P2RX7: variants seen among roughly 807,000 people sequenced by gnomAD.
P2RX7 encodes the protein purinergic receptor P2X 7, also known as P2X purinoceptor 7.
P2RX7 carries 62 observed loss-of-function variants against 71.6 expected under a neutral mutation model. The observed-to-expected ratio is 0.87, with a 90% confidence interval of 0.71 to 1.07. P2RX7 has a LOEUF of 1.07. P2RX7 is among the 50% of genes least tolerant of loss of function. The probability of loss-of-function intolerance (pLI) is 0.00; values close to 1 mark genes in which losing one functional copy is unlikely to be tolerated. For synonymous variants in P2RX7, 299 were observed against 283.3 expected, an observed-to-expected ratio of 1.06 and a Z score of -0.56; for missense variants, 686 against 748.5, an observed-to-expected ratio of 0.92 and a Z score of 0.97.
At chr12:121,155,988 T>C (rs1033789784) in intron 2 of P2RX7, 91 bp from the exon 3 acceptor site, 1 of 1,133,518 alleles carries the variant, frequency 8.8e-7, no homozygotes, top group Non-Finnish European at 1.3e-6. Context: ...CTTAGAAAAG[T>C]GGAGAGGTTC....
At chr12:121,142,458 G>C (rs376642345) in intron 1 of P2RX7, among the ~76,000 whole-genome samples, 85 of 152,154 alleles carry the variant, frequency 5.6e-4, no homozygotes, top group African/African-American at 2.0e-3. Flanking sequence ...CTTCTCTCCC[G>C]GGACCAGAAG....
At chr12:121,142,241 CTG>C (rs1472228536) in intron 1 of P2RX7, among the ~76,000 whole-genome samples, 1 of 152,180 alleles carries the variant, frequency 6.6e-6, no homozygotes, top group Non-Finnish European at 1.5e-5. Flanking sequence ...CCTGGAGACT[CTG>C]GGGAAAATTC....
At chr12:121,183,896 C>T (rs112265934) in intron 12 of P2RX7, among the ~76,000 whole-genome samples, 5,733 of 152,164 alleles carry the variant, frequency 0.038, 150 homozygotes, top group South Asian at 0.12. Flanking sequence ...AATCCTGTTT[C>T]TACTAGAAAT....
rs143302792 is a variant in P2RX7, at chr12:121,160,432, A to G, written c.364-470A>G. ...AAAGTGCTGGGATTACAGGCGTGAT[A>G]AGCCACGGCGCCCAGCCCCCAGAAC... On this transcript the variant is annotated intron_variant, in intron 3 of 12. Transcript: ENST00000328963. Among the ~76,000 whole-genome samples, 355 of 152,182 alleles carry G rather than the reference A, an allele frequency of 2.3e-3. 2 individuals carry two copies. Among genetic ancestry groups the G allele is most frequent in the African/African-American group, 8.0e-3 (331 of 41,534 alleles).
In P2RX7 at chr12:121,184,517, A is replaced by G. The variant is rs142602802; in HGVS notation, c.1503A>G (p.Lys501=). ...HRCLEELCCR[K]KPGACITTSE... Reference sequence around the variant, plus strand: ...GCCTGGAGGAGCTGTGCTGCCGGAAAAAGCCGGGGGCCTGCATCACCACCT... The same window carrying G: ...GCCTGGAGGAGCTGTGCTGCCGGAAGAAGCCGGGGGCCTGCATCACCACCT... Residue 501 remains lysine (K), a synonymous_variant, in exon 13 of 13, where the codon AAA becomes AAG. Transcript: ENST00000328963. The G allele has an allele frequency of 3.3e-5, 53 of 1,614,094 alleles. No individual in the cohort carries two copies. The highest frequency in any genetic ancestry group is 4.3e-5 in the Non-Finnish European group (51 of 1,180,044).
chr12:121,176,684 G>C (rs948157606), intron 9 of P2RX7, among the ~76,000 whole-genome samples: 1 of 150,868 alleles, frequency 6.6e-6, no homozygotes, highest in Admixed American at 6.6e-5. Flanking sequence ...CCCAGGAGGC[G>C]GAGCTTGCAG....
intron 1 of P2RX7, among the ~76,000 whole-genome samples, chr12:121,153,436 G>GTAATCCCA (rs1264544763): frequency 3.3e-5 from 5 of 151,756 alleles, no homozygotes; most frequent in Non-Finnish European, 5.9e-5. Flanking sequence ...CCAGCACTTT[G>GTAATCCCA]GGAGGCCAAG....
intron 11 of P2RX7, among the ~76,000 whole-genome samples, chr12:121,179,839 G>T (rs1883815412): frequency 1.3e-5 from 2 of 152,070 alleles, no homozygotes; most frequent in South Asian, 2.1e-4. Context: ...TGGCTGTGTT[G>T]AATTTACAAG....
chr12:121,182,447 G>C (rs1399403855), intron 12 of P2RX7, among the ~76,000 whole-genome samples: 1 of 152,168 alleles, frequency 6.6e-6, no homozygotes, highest in Non-Finnish European at 1.5e-5. Context: ...AACCTAAATA[G>C]AATAGCCTAT....
chr12:121,138,049 G>C (rs568250878), intron 1 of P2RX7, among the ~76,000 whole-genome samples: 1 of 152,364 alleles, frequency 6.6e-6, no homozygotes, highest in African/African-American at 2.4e-5. Flanking sequence ...TTGGAGGTCT[G>C]TGTAGATAGG....
At position 121,175,468 on chromosome 12, in the gene P2RX7, T is replaced by G; in HGVS notation, c.962T>G (p.Val321Gly). 1 of 1,404,688 alleles carries G rather than the reference T, an allele frequency of 7.1e-7. No individual in the cohort carries two copies. Among genetic ancestry groups the G allele is most frequent in the Non-Finnish European group, 1.0e-6 (1 of 989,140 alleles). 87.0% of individuals were successfully genotyped at this position (1,404,688 alleles called of 1,614,324 possible). ...KVFGIRFDILVFGTGGKFDII... is the reference protein window; with the variant it reads ...KVFGIRFDILGFGTGGKFDII... ...TTCGGGATCCGTTTTGACATCCTGG[T>G]TTTTGGCACCGTAAGTCTCGTTTCC... Residue 321 changes from valine (V) to glycine (G), a missense_variant, in exon 9 of 13, where the codon GTT becomes GGT. Val to Gly is a moderately radical substitution (Grantham distance 109, BLOSUM62 -3). Transcript: ENST00000328963.
Position 121,184,489 on chromosome 12 carries a change from G to A in P2RX7, c.1475G>A (p.Arg492Lys), listed in dbSNP as rs200826512. The change falls in exon 13 of 13, where the codon AGG (arginine) becomes AAG (lysine). Residue 492 changes from arginine to lysine, a missense_variant. Coordinates refer to ENST00000328963, the MANE Select transcript of P2RX7 (RefSeq NM_002562.6). ...CLPSQLPESH[R>K]CLEELCCRKK... is the part of the protein sequence containing the mutation. ...CCATCTCAACTCCCTGAGAGCCACA[G>A]GTGCCTGGAGGAGCTGTGCTGCCGG... 3.3e-5 allele frequency: 53 copies of A among 1,614,172 alleles called. No homozygotes were observed. In the East Asian group the frequency reaches 6.2e-4, roughly 19 times the overall value.
At chr12:121,155,420 A>G (rs1878375616) in intron 2 of P2RX7, 1 of 1,282,368 alleles carries the variant, frequency 7.8e-7, no homozygotes, top group Admixed American at 2.3e-5. Flanking sequence ...AAAAGAAGAA[A>G]GGCATCGGTC....
chr12:121,179,563 C>G (rs191629952), intron 11 of P2RX7, among the ~76,000 whole-genome samples: 42 of 152,026 alleles, frequency 2.8e-4, no homozygotes, highest in Admixed American at 2.6e-3. Context: ...CATGATTGTC[C>G]TGTTCCAGCA....
At chr12:121,134,466 A>T (rs1315023763) in intron 1 of P2RX7, among the ~76,000 whole-genome samples, 1 of 152,098 alleles carries the variant, frequency 6.6e-6, no homozygotes, top group African/African-American at 2.4e-5. Context: ...ATCTTGGCTC[A>T]CTGCAACCTC....
At chr12:121,143,298 G>A (rs1390972823) in intron 1 of P2RX7, among the ~76,000 whole-genome samples, 1 of 152,010 alleles carries the variant, frequency 6.6e-6, no homozygotes, top group Non-Finnish European at 1.5e-5. Flanking sequence ...GCAGGCCGAG[G>A]CAGGAGAATC....
At chr12:121,176,228 A>AACACACAC (rs56222751) in intron 9 of P2RX7, among the ~76,000 whole-genome samples, 3,908 of 140,796 alleles carry the variant, frequency 0.028, 76 homozygotes, top group Non-Finnish European at 0.036. Context: ...CAGCCCCTTC[A>AACACACAC]ACACACACAC....
Position 121,143,834 on chromosome 12 carries a change from G to A in P2RX7, c.125+10739G>A, listed in dbSNP as rs544058969. ...GGCATTGCACTCCAGCCTGGTGGCA[G>A]AGTGAGACTCCGTCTCAAAAAAAAG... is the stretch of plus-strand genomic sequence containing the variant. On this transcript the variant is annotated intron_variant, in intron 1 of 12. Coordinates refer to ENST00000328963, the MANE Select transcript of P2RX7 (RefSeq NM_002562.6). 3.3e-5 allele frequency among the ~76,000 whole-genome samples: 5 copies of A among 152,294 alleles called. No homozygotes were observed. The South Asian group carries it at 1.0e-3, about 32-fold the overall frequency.
At chr12:121,164,754 C>G (rs530347460) in intron 5 of P2RX7, among the ~76,000 whole-genome samples, 10 of 152,052 alleles carry the variant, frequency 6.6e-5, no homozygotes, top group African/African-American at 2.4e-4. Context: ...TGCACTCCAG[C>G]CTGGGTGACA....
Sources: allele counts gnomAD v4.1 joint callset (sites outside exome capture counted in the v4.1 genomes callset), GRCh38; gene constraint gnomAD v4.1.1; transcripts MANE v1.5; gene names NCBI Gene and HGNC (gene_info 2026-07-23, HGNC 2026-07-21).